The following UPF2 variants were observed in gnomAD, a reference collection of about 807,000 sequenced individuals.
UPF2 encodes the protein UPF2 regulator of nonsense mediated mRNA decay, also known as regulator of nonsense transcripts 2.
In UPF2, 17 loss-of-function variants were observed where a neutral mutation model predicts 141.4. The observed-to-expected ratio is 0.12, with a 90% CI of 0.08 to 0.18. The LOEUF is 0.18. Among genes scored for constraint, UPF2 ranks in the 10% least tolerant of loss-of-function variants. The pLI is 1.00. For missense variants in UPF2, 1,152 were observed against 1,515.9 expected (o/e 0.76, Z 3.99); for synonymous variants, 540 against 498.0 (o/e 1.08, Z -1.12).
At chr10:11,963,082 G>A (rs941438676) in intron 11 of UPF2, among the ~76,000 whole-genome samples, 19 of 151,736 alleles carry the variant, frequency 1.3e-4, no homozygotes, top group African/African-American at 4.6e-4. Context: ...ATATTCCAAG[G>A]GTCTAGCACA....
chr10:11,938,917 A>AGAGACTGTG (rs1449464641), intron 18 of UPF2, among the ~76,000 whole-genome samples: 1 of 121,462 alleles, frequency 8.2e-6, no homozygotes, highest in East Asian at 2.6e-4. Flanking sequence ...CCCCATGCAG[A>AGAGACTGTG]GAGACTGTGC....
At chr10:11,985,884 C>CTTTTTTT (rs746117868) in intron 8 of UPF2, among the ~76,000 whole-genome samples, 4,976 of 100,134 alleles carry the variant, frequency 0.05, 471 homozygotes, top group Non-Finnish European at 0.07. Context: ...TAGATCCTTC[C>CTTTTTTT]TTTTTTTTTT....
At chr10:12,022,529 C>G (rs1834336634) in intron 3 of UPF2, among the ~76,000 whole-genome samples, 1 of 151,972 alleles carries the variant, frequency 6.6e-6, no homozygotes, top group African/African-American at 2.4e-5. Flanking sequence ...CAAAACTGTA[C>G]CCATTAAAAT....
chr10:11,989,092 C>T (rs1480278922), intron 8 of UPF2, among the ~76,000 whole-genome samples: 2 of 152,090 alleles, frequency 1.3e-5, no homozygotes, highest in Non-Finnish European at 2.9e-5. Flanking sequence ...TAAAAATATA[C>T]AGCCAACCAG....
chr10:12,005,752 G>A (rs1453173810), intron 4 of UPF2, among the ~76,000 whole-genome samples: 1 of 151,928 alleles, frequency 6.6e-6, no homozygotes, highest in Non-Finnish European at 1.5e-5. Context: ...GTTATTTTTA[G>A]TAGAGATGGG....
chr10:11,975,938 C>T (rs1329896837), intron 9 of UPF2, among the ~76,000 whole-genome samples: 1 of 152,194 alleles, frequency 6.6e-6, no homozygotes, highest in Non-Finnish European at 1.5e-5. Flanking sequence ...CTATTAGAGT[C>T]ATACTGTGAA....
intron 19 of UPF2, among the ~76,000 whole-genome samples, chr10:11,934,781 G>A (rs1016368331): frequency 9.9e-5 from 15 of 152,050 alleles, no homozygotes; most frequent in Admixed American, 9.8e-4. Flanking sequence ...GTAGAGACGG[G>A]GTTTCACTAT....
At chr10:11,965,047 TG>T (rs756378356) in intron 10 of UPF2, among the ~76,000 whole-genome samples, 64 of 152,336 alleles carry the variant, frequency 4.2e-4, no homozygotes, top group Non-Finnish European at 7.5e-4. Context: ...TGTGTCACAA[TG>T]GTACTCAAAA....
At chr10:11,954,257 G>T (rs1385643566) in intron 14 of UPF2, among the ~76,000 whole-genome samples, 1 of 151,794 alleles carries the variant, frequency 6.6e-6, no homozygotes, top group East Asian at 1.9e-4. Flanking sequence ...CACAACCCAA[G>T]AATTTACAAA....
chr10:12,009,152 A>G (rs1341872212), intron 4 of UPF2, among the ~76,000 whole-genome samples: 1 of 152,136 alleles, frequency 6.6e-6, no homozygotes, highest in East Asian at 1.9e-4. Context: ...ATATATTGAA[A>G]CTTAAAATGC....
At position 11,935,187 on chromosome 10, in the gene UPF2, G is replaced by A. The variant is rs1832834225; in HGVS notation, c.3546+1358C>T. On this transcript the variant is annotated intron_variant, in intron 19 of 21. Coordinates refer to ENST00000357604, the MANE Select transcript of UPF2 (RefSeq NM_015542.4). The surrounding 1 kb of genome is among the most constrained non-coding windows in gnomAD (Gnocchi z 4.9). ...TCCCTCTCCTGGCATCTCACCATCCGTGTCTCTTTCTATCCTCTTACCCTG... is the reference window on the plus strand; with the variant it reads ...TCCCTCTCCTGGCATCTCACCATCCATGTCTCTTTCTATCCTCTTACCCTG... 1.3e-5 allele frequency among the ~76,000 whole-genome samples: 2 copies of A among 151,968 alleles called. No individual in the cohort carries two copies. The highest frequency in any genetic ancestry group is 1.3e-4 in the Admixed American group (2 of 15,242).
Position 12,042,494 on chromosome 10 carries a change from T to A in UPF2, c.-19+261A>T, listed in dbSNP as rs1834753948. On this transcript the variant is annotated intron_variant, in intron 1 of 21. Coordinates refer to ENST00000357604, the MANE Select transcript of UPF2 (RefSeq NM_015542.4). This position sits in a 1 kb window ranked among gnomAD's most constrained non-coding sequence, Gnocchi z 5.5. Reference sequence around the variant, plus strand: ...CCAGTCTCGAGGCCCGGCCCAGGCATGTGGGGCAGGCACCTCCTCCACCGC... The same window carrying A: ...CCAGTCTCGAGGCCCGGCCCAGGCAAGTGGGGCAGGCACCTCCTCCACCGC... Among the ~76,000 whole-genome samples the A allele has an allele frequency of 6.6e-6, 1 of 152,006 alleles. No homozygotes were observed. The highest frequency in any genetic ancestry group is 1.5e-5 in the Non-Finnish European group (1 of 67,988).
intron 21 of UPF2, among the ~76,000 whole-genome samples, chr10:11,929,560 C>G (rs1832756346): frequency 6.6e-6 from 1 of 151,810 alleles, no homozygotes; most frequent in East Asian, 1.9e-4. Flanking sequence ...TCACTTGAGC[C>G]CAGGAGGGTG....
In UPF2 at chr10:11,929,931, C is replaced by T. The variant is rs1404653300; in HGVS notation, c.3743G>A (p.Arg1248Lys). The change falls in exon 21 of 22, where the codon AGG becomes AAG. Residue 1248 changes from arginine to lysine, a missense_variant. Around this residue, in one of 4 missense-constraint regions of UPF2, gnomAD observed 66 missense variants for 123.5 expected, o/e 0.53. Coordinates refer to ENST00000357604, the MANE Select transcript of UPF2 (RefSeq NM_015542.4). Reference protein sequence around the residue: ...RPAPANTNRERRPRYQHPKGA... With the variant: ...RPAPANTNREKRPRYQHPKGA... ...CTTCGGATGTTGGTAGCGAGGCCGC[C>T]TCTCACGATTGGTGTTTGCTGGAGC... 2 of 1,614,226 alleles carry T rather than the reference C, an allele frequency of 1.2e-6. No homozygotes were observed. Among genetic ancestry groups the T allele is most frequent in the Admixed American group, 1.7e-5 (1 of 60,032 alleles).
intron 16 of UPF2, 76 bp downstream of exon 16, chr10:11,948,292 TA>T: frequency 7.3e-7 from 1 of 1,370,934 alleles, no homozygotes; most frequent in Non-Finnish European, 9.7e-7. Flanking sequence ...TCTTATGTAT[TA>T]AAAAAATTTT....
Position 11,979,217 on chromosome 10 carries a change from T to C in UPF2, c.1845-52A>G. On this transcript the variant is annotated intron_variant, in intron 8 of 21. Coordinates refer to ENST00000357604, the MANE Select transcript of UPF2 (RefSeq NM_015542.4). This position sits in a 1 kb window ranked among gnomAD's most constrained non-coding sequence, Gnocchi z 6.2. ...CAAAGGAAAGACATATCAAAAATAA[T>C]TCATTTTAAAATTTAAACTTTTCAG... The C allele has an allele frequency of 1.4e-6, 2 of 1,409,544 alleles. No individual in the cohort carries two copies. Among genetic ancestry groups the C allele is most frequent in the Non-Finnish European group, 2.0e-6 (2 of 1,017,146 alleles). The allele number at this position is 1,409,544 out of a possible 1,614,324, so 87.3% of individuals were successfully genotyped here.
chr10:12,022,573 C>A (rs907028059), intron 3 of UPF2, among the ~76,000 whole-genome samples: 1 of 152,110 alleles, frequency 6.6e-6, no homozygotes, highest in Admixed American at 6.6e-5. Context: ...CATTTAAACA[C>A]AATTAGAATA....
intron 2 of UPF2, among the ~76,000 whole-genome samples, chr10:12,032,336 A>T (rs1048395838): frequency 1.3e-5 from 2 of 151,770 alleles, no homozygotes; most frequent in African/African-American, 4.8e-5. Flanking sequence ...GAAAGTATGT[A>T]CATACATTAA....
intron 12 of UPF2, among the ~76,000 whole-genome samples, chr10:11,957,983 C>T (rs1191280296): frequency 6.6e-6 from 1 of 152,120 alleles, no homozygotes; most frequent in Non-Finnish European, 1.5e-5. Context: ...AAAGTACTTA[C>T]TTCCTAGTTT....
Sources: allele counts gnomAD v4.1 joint callset (sites outside exome capture counted in the v4.1 genomes callset), GRCh38; gene constraint gnomAD v4.1.1; regional missense constraint gnomAD v4.1.1; non-coding constraint Gnocchi (gnomAD v3.1); transcripts MANE v1.5; gene names NCBI Gene and HGNC (gene_info 2026-07-23, HGNC 2026-07-21).